Variants in DOCK2 observed in about 807,000 individuals in gnomAD.
DOCK2 encodes the protein dedicator of cytokinesis 2.
DOCK2 carries 87 observed loss-of-function variants against 248.9 expected under a neutral mutation model. That is an observed-to-expected ratio of 0.35 (90% CI 0.29 to 0.42). DOCK2 has a LOEUF of 0.42. Among genes scored for constraint, DOCK2 ranks in the 10% least tolerant of loss-of-function variants. DOCK2 has a pLI of 1.00. For missense variants in DOCK2, 1,747 were observed against 2,300.2 expected, an observed-to-expected ratio of 0.76 and a Z score of 4.92; for synonymous variants, 805 against 821.6, an observed-to-expected ratio of 0.98 and a Z score of 0.35.
intron 26 of DOCK2, among the ~76,000 whole-genome samples, chr5:169,830,128 A>G (rs1164049689): frequency 6.6e-6 from 1 of 152,236 alleles, no homozygotes; most frequent in East Asian, 1.9e-4. Context: ...AAGACATGGG[A>G]GCAGATCCAG....
chr5:169,741,592 C>A (rs1018479969), intron 22 of DOCK2, among the ~76,000 whole-genome samples: 10 of 152,076 alleles, frequency 6.6e-5, no homozygotes, highest in Admixed American at 3.3e-4. Flanking sequence ...CTGAATAGGG[C>A]AAATTATTGG....
At position 170,046,037 on chromosome 5, in the gene DOCK2, A is replaced by G. The variant is rs1031805693; in HGVS notation, c.3966+132A>G. 5.1e-6 allele frequency: 4 copies of G among 783,338 alleles called. No homozygotes were observed. In the Admixed American group the frequency reaches 8.0e-5, roughly 16 times the overall value. The allele number at this position is 783,338 out of a possible 1,614,324, so 48.5% of individuals were successfully genotyped here. A position where few individuals can be genotyped will look rare whatever the true frequency, so the allele number is the denominator to read the frequency against. ...GAAATAGAAAATGAACGGAAGTAGG[A>G]CCTGAGAGAGGCTGTACTGAGCATC... On this transcript the variant is annotated intron_variant, in intron 39 of 51. Coordinates refer to ENST00000520908, the MANE Select transcript of DOCK2 (RefSeq NM_004946.3).
chr5:169,789,011 GA>G (rs1241083305), intron 25 of DOCK2, among the ~76,000 whole-genome samples: 1 of 152,086 alleles, frequency 6.6e-6, no homozygotes, highest in African/African-American at 2.4e-5. Context: ...CCCTCCGATA[GA>G]CCCCAGTGAG....
At chr5:169,874,437 T>TTGG (rs1772186861) in intron 27 of DOCK2, among the ~76,000 whole-genome samples, 1 of 133,310 alleles carries the variant, frequency 7.5e-6, no homozygotes, top group South Asian at 2.4e-4. Flanking sequence ...AAAAAAGCAA[T>TTGG]TGGTGGTCTG....
At chr5:169,647,622 T>C (rs264875) in intron 1 of DOCK2, among the ~76,000 whole-genome samples, 87,210 of 151,794 alleles carry the variant, frequency 0.57, 25,208 homozygotes, top group Non-Finnish European at 0.6. Flanking sequence ...GGGACTCCAT[T>C]AAGATGGCCC....
At chr5:169,641,117 G>A (rs1464608291) in intron 1 of DOCK2, among the ~76,000 whole-genome samples, 2 of 152,228 alleles carry the variant, frequency 1.3e-5, no homozygotes, top group East Asian at 3.9e-4. Flanking sequence ...GTCTGTCTCC[G>A]CATTTCTCCT....
chr5:169,757,133 A>G (rs563599458), intron 23 of DOCK2, among the ~76,000 whole-genome samples: 2 of 152,252 alleles, frequency 1.3e-5, no homozygotes, highest in East Asian at 3.9e-4. Context: ...CTTTAGGGAG[A>G]GAATGGAATC....
intron 27 of DOCK2, among the ~76,000 whole-genome samples, chr5:169,945,129 C>T (rs1212930068): frequency 6.6e-6 from 1 of 152,180 alleles, no homozygotes; most frequent in Non-Finnish European, 1.5e-5. Flanking sequence ...TTTCTCTTGG[C>T]CCCAGAAGAA....
chr5:169,920,991 C>T (rs1312153610), intron 27 of DOCK2, among the ~76,000 whole-genome samples: 6 of 152,196 alleles, frequency 3.9e-5, no homozygotes, highest in Non-Finnish European at 8.8e-5. Flanking sequence ...CCTCAGTCCA[C>T]GGGGGCACTT....
In DOCK2 at chr5:170,066,209, C is replaced by T. The variant is rs567083443; in HGVS notation, c.4468-1301C>T. ...TCGTGATCTGCCCACCTCGGCCTCC[C>T]GCAAATGAAAACTTTTAAAAAGAGA... On this transcript the variant is annotated intron_variant, in intron 44 of 51. Transcript: ENST00000520908. Among the ~76,000 whole-genome samples, 8 of 151,918 alleles carry T rather than the reference C, an allele frequency of 5.3e-5. No individual in the cohort carries two copies. In the South Asian group the frequency reaches 1.7e-3, roughly 32 times the overall value.
At chr5:169,941,980 C>T (rs1776262568) in intron 27 of DOCK2, among the ~76,000 whole-genome samples, 1 of 152,248 alleles carries the variant, frequency 6.6e-6, no homozygotes, top group Non-Finnish European at 1.5e-5. Context: ...TGTATTATAT[C>T]ATTTCAGTTT....
chr5:169,974,128 G>A (rs1777626582), intron 27 of DOCK2, among the ~76,000 whole-genome samples: 1 of 152,126 alleles, frequency 6.6e-6, no homozygotes, highest in Admixed American at 6.5e-5. Flanking sequence ...TTAAATGAAA[G>A]CATTCTGAAG....
rs1758087539 is a variant in DOCK2 at position 170,082,973 on chromosome 5, C to G, written c.*115C>G. 1.4e-5 allele frequency: 19 copies of G among 1,393,452 alleles called. No individual in the cohort carries two copies. Among genetic ancestry groups the G allele is most frequent in the Non-Finnish European group, 1.9e-5 (19 of 1,001,638 alleles). 86.3% of individuals were successfully genotyped at this position (1,393,452 alleles called of 1,614,324 possible). On this transcript the variant is annotated 3_prime_UTR_variant, in exon 52 of 52. Transcript: ENST00000520908. ...GTGGGAGACTGTCCCCATCAGTTGT[C>G]CTTACTTAGAGGAGACAGAGAGGCC...
intron 25 of DOCK2, among the ~76,000 whole-genome samples, chr5:169,780,491 G>A (rs1278112047): frequency 1.3e-5 from 2 of 152,104 alleles, no homozygotes; most frequent in Admixed American, 6.5e-5. Flanking sequence ...CTCCCTGTTC[G>A]TATTTGTTTC....
In DOCK2 at chr5:169,684,407, A is replaced by G. The variant is rs1460100467; in HGVS notation, c.761+57A>G. ...GACTATGGGAAGCAGTGCACAGAGC[A>G]TCTTTTCTTTCCATCCTCACTTGTG... is the stretch of plus-strand genomic sequence containing the variant. On this transcript the variant is annotated intron_variant, in intron 8 of 51. Coordinates refer to ENST00000520908, the MANE Select transcript of DOCK2 (RefSeq NM_004946.3). 2.6e-6 allele frequency: 4 copies of G among 1,565,840 alleles called. No homozygotes were observed. The African/African-American group carries it at 4.1e-5, about 16-fold the overall frequency.
intron 27 of DOCK2, among the ~76,000 whole-genome samples, chr5:169,900,996 C>A (rs1450372683): frequency 2.6e-5 from 4 of 152,088 alleles, no homozygotes; most frequent in African/African-American, 9.7e-5. Context: ...GTAGGAAAGG[C>A]TGATATTAAG....
chr5:169,968,461 A>G (rs190981648), intron 27 of DOCK2, among the ~76,000 whole-genome samples: 1 of 152,326 alleles, frequency 6.6e-6, no homozygotes, highest in Admixed American at 6.5e-5. Context: ...GGGGACAGAC[A>G]CATGAGCATA....
rs2113177513 is a variant in DOCK2 at position 169,654,296 on chromosome 5, G to A, written c.44-107G>A. ...TCTGTGTTGGTTTTGTTTAGCCCAG[G>A]TGGGCTGCGTGGGCATGGGATGGAC... On this transcript the variant is annotated intron_variant, in intron 1 of 51. Coordinates refer to ENST00000520908, the MANE Select transcript of DOCK2 (RefSeq NM_004946.3). 2.4e-6 allele frequency: 3 copies of A among 1,239,294 alleles called. No homozygotes were observed. The East Asian group carries it at 7.1e-5, about 29-fold the overall frequency. 76.8% of individuals were successfully genotyped at this position (1,239,294 alleles called of 1,614,324 possible). A position where few individuals can be genotyped will look rare whatever the true frequency, so the allele number is the denominator to read the frequency against.
rs752924848 is a variant in DOCK2, at chr5:169,759,684, T to C, written c.2377-21T>C. On this transcript the variant is annotated intron_variant, in intron 23 of 51. Transcript: ENST00000520908. ...CTTGTTGATGTGAGGATCACTTATA[T>C]GTATTTTACATTCCACCTAGGTGGC... 5.6e-6 allele frequency: 9 copies of C among 1,613,670 alleles called. 1 individual carries two copies. In the Middle Eastern group the frequency reaches 4.9e-4, roughly 88 times the overall value.
Sources: allele counts gnomAD v4.1 joint callset (sites outside exome capture counted in the v4.1 genomes callset), GRCh38; gene constraint gnomAD v4.1.1; transcripts MANE v1.5; gene names NCBI Gene and HGNC (gene_info 2026-07-23, HGNC 2026-07-21).